ZNF841: variants seen among roughly 807,000 people sequenced by gnomAD.
The protein encoded by ZNF841 is TCONS_00006091.
In ZNF841, 11 loss-of-function variants were observed where a neutral mutation model predicts 13.0. The ratio of observed to expected loss-of-function variants is 0.85; its 90% CI spans 0.53 to 1.40. The LOEUF is 1.40. Ranked by LOEUF, ZNF841 falls within the 40% of genes most tolerant of loss-of-function variation. The pLI, the probability that ZNF841 is intolerant of heterozygous loss-of-function variation, is 0.00. For synonymous variants in ZNF841, 369 were observed against 381.6 expected (o/e 0.97, Z 0.38); for missense variants, 1,068 against 1,139.5 (o/e 0.94, Z 0.90).
At position 52,076,966 on chromosome 19, in the gene ZNF841, C is replaced by T. The variant is rs1366171997; in HGVS notation, c.134G>A (p.Gly45Asp). The change falls in exon 5 of 7, where the codon GGC becomes GAC. Residue 45 changes from glycine (G) to aspartate (D), a missense_variant. Gly to Asp is a moderately conservative substitution (Grantham distance 94). Coordinates refer to ENST00000594440, the MANE Select transcript of ZNF841 (RefSeq NM_001136499.2). Reference protein sequence around the residue: ...DVMLENYRNLGFLGLCLPDLN... With the variant: ...DVMLENYRNLDFLGLCLPDLN... ...AGGAAAACTATCCTCACCCAGGAAG[C>T]CGAGGTTCCTGTAGTTCTCCAACAT... 2 of 1,612,616 alleles carry T rather than the reference C, an allele frequency of 1.2e-6. No individual in the cohort carries two copies. The highest frequency in any genetic ancestry group is 1.7e-6 in the Non-Finnish European group (2 of 1,179,166).
At chr19:52,089,672 G>GCACCCT (rs144099437) in intron 2 of ZNF841, among the ~76,000 whole-genome samples, 31,933 of 151,824 alleles carry the variant, frequency 0.21, 4,660 homozygotes, top group African/African-American at 0.41. Flanking sequence ...AATGATCCAT[G>GCACCCT]CACAACCACT....
chr19:52,076,925 A>G (rs762888190), intron 5 of ZNF841, 33 bp downstream of exon 5: 10 of 1,607,312 alleles, frequency 6.2e-6, no homozygotes, highest in Non-Finnish European at 8.5e-6. Context: ...GCACAAGGGA[A>G]GATCCTAACT....
chr19:52,091,233 G>T (rs74723134), intron 2 of ZNF841, among the ~76,000 whole-genome samples: 1 of 152,102 alleles, frequency 6.6e-6, no homozygotes, highest in East Asian at 1.9e-4. Context: ...TTCATAGATT[G>T]TAAGAATATT....
At chr19:52,058,824 C>T in the ZNF841 span, 3 of 152,628 alleles carry the variant, frequency 2.0e-5, no homozygotes, top group East Asian at 5.8e-4. Flanking sequence ...TATAGCAAAA[C>T]TTCATTTCTA....
At chr19:52,090,630 A>AGAAAGAAGGAAG (rs1555782680) in intron 2 of ZNF841, among the ~76,000 whole-genome samples, 906 of 90,444 alleles carry the variant, frequency 0.01, 54 homozygotes, top group East Asian at 0.05. Flanking sequence ...AAAGAAAGAA[A>AGAAAGAAGGAAG]GAAGGAAGGA....
In ZNF841 at chr19:52,067,007, T is replaced by C. The variant is rs1240992580; in HGVS notation, c.875A>G (p.Asn292Ser). The change falls in exon 7 of 7, where the codon AAT (asparagine) becomes AGT (serine). Residue 292 changes from asparagine to serine, a missense_variant. Asn to Ser is a conservative substitution (Grantham distance 46). Transcript: ENST00000594440. ...IHTTEKPYRCNESGKAFHRGS... is the reference protein window; with the variant it reads ...IHTTEKPYRCSESGKAFHRGS... ...CCGATGAAAGGCTTTACCAGACTCA[T>C]TGCATCTGTAAGGTTTCTCTGTAGT... 6.2e-7 allele frequency: 1 copy of C among 1,614,114 alleles called. No individual in the cohort carries two copies. Among genetic ancestry groups the C allele is most frequent in the Middle Eastern group, 1.6e-4 (1 of 6,062 alleles).
Position 52,067,183 on chromosome 19 carries a change from GTTGGT to G in ZNF841, c.694_698del (p.Thr232HisfsTer3), listed in dbSNP as rs1453540282. ...AATCATTCCCATATTTCCTAGAAAT[GTTGGT>G]TTGGACACCAGGAAAAATTCTTTGA... On this transcript the variant is annotated frameshift_variant, in exon 7 of 7. Transcript: ENST00000594440. LOFTEE classifies it low-confidence loss of function (END_TRUNC). 6.4e-7 allele frequency: 1 copy of G among 1,551,888 alleles called. No homozygotes were observed. The highest frequency in any genetic ancestry group is 2.0e-5 in the Admixed American group (1 of 50,956).
chr19:52,063,203 A>G (rs1394395636), downstream of ZNF841, among the ~76,000 whole-genome samples: 4 of 151,896 alleles, frequency 2.6e-5, no homozygotes, highest in African/African-American at 9.7e-5. Context: ...TTACCACGTT[A>G]ATTACATTTG....
chr19:52,067,417 C>A lies in ZNF841; in HGVS notation c.465G>T (p.Gly155=), dbSNP rs1268624868. ...TAAGATTGTTTTTATGGGTCATCGG[C>A]CCTTCTTTATAATTTATTTCACCAT... is the stretch of plus-strand genomic sequence containing the variant. The part of the protein sequence containing the change: ...WKDGEINYKE[G]PMTHKNNLTG... Residue 155 remains glycine, a synonymous_variant, in exon 7 of 7, where the codon GGG becomes GGT. Coordinates refer to ENST00000594440, the MANE Select transcript of ZNF841 (RefSeq NM_001136499.2). 3.2e-6 allele frequency: 5 copies of A among 1,548,300 alleles called. No homozygotes were observed. The highest frequency in any genetic ancestry group is 4.4e-6 in the Non-Finnish European group (5 of 1,146,086).
intron 6 of ZNF841, among the ~76,000 whole-genome samples, chr19:52,072,840 C>T (rs1251833629): frequency 6.6e-6 from 1 of 151,994 alleles, no homozygotes; most frequent in South Asian, 2.1e-4. Flanking sequence ...AACAAACAAA[C>T]AAGGACCATA....
Position 52,066,880 on chromosome 19 carries a change from A to T in ZNF841, c.1002T>A (p.Asn334Lys). The T allele has an allele frequency of 6.2e-7, 1 of 1,614,106 alleles. No homozygotes were observed. Among genetic ancestry groups the T allele is most frequent in the South Asian group, 1.1e-5 (1 of 91,080 alleles). Reference sequence around the variant, plus strand: ...TGTCTCCAGTGTGACTTCTCCGGTGATTTACAAGATCTGAATTTTGTCTGA... The same window carrying T: ...TGTCTCCAGTGTGACTTCTCCGGTGTTTTACAAGATCTGAATTTTGTCTGA... ...RIFRQNSDLV[N>K]HRRSHTGDKP... The change falls in exon 7 of 7, where the codon AAT becomes AAA. Residue 334 changes from asparagine to lysine, a missense_variant. By Grantham distance (94) the Asn-to-Lys change is moderately conservative. Transcript: ENST00000594440.
rs1354223713 is a variant in ZNF841 at position 52,067,463 on chromosome 19, T to G, written c.419A>C (p.Glu140Ala). The change falls in exon 7 of 7, where the codon GAA becomes GCA. Residue 140 changes from glutamate to alanine, a missense_variant. Glu to Ala is a moderately radical substitution (Grantham distance 107). Coordinates refer to ENST00000594440, the MANE Select transcript of ZNF841 (RefSeq NM_001136499.2). ...ACCATCTTTCCATTGAAAGTCAACT[T>G]CCTGTAGATTTTTCCGGATTTCCCT... is the stretch of plus-strand genomic sequence containing the variant. Reference protein sequence around the residue: ...YFREIRKNLQEVDFQWKDGEI... With the variant: ...YFREIRKNLQAVDFQWKDGEI... The G allele has an allele frequency of 6.4e-7, 1 of 1,555,756 alleles. No homozygotes were observed.
Position 52,066,942 on chromosome 19 carries a change from C to T in ZNF841, c.940G>A (p.Gly314Arg). 6.2e-7 allele frequency: 1 copy of T among 1,614,108 alleles called. No individual in the cohort carries two copies. ...LTVHQIVHTR[G>R]KPYQCDVCGR... ...CATACATCACATTGGTATGGTTTCC[C>T]TCTTGTATGGACTATCTGATGTACT... The change falls in exon 7 of 7, where the codon GGG (glycine) becomes AGG (arginine). Residue 314 changes from glycine (G) to arginine (R), a missense_variant. Transcript: ENST00000594440.
intron 6 of ZNF841, among the ~76,000 whole-genome samples, chr19:52,069,465 G>A (rs2087681620): frequency 6.6e-6 from 1 of 152,150 alleles, no homozygotes; most frequent in Non-Finnish European, 1.5e-5. Flanking sequence ...TGAGATAAAA[G>A]ACAACACCGT....
rs2087622819 is a variant in ZNF841, at chr19:52,067,579, T to C, written c.303A>G (p.Leu101=). The C allele has an allele frequency of 6.4e-7, 1 of 1,551,846 alleles. No homozygotes were observed. Among genetic ancestry groups the C allele is most frequent in the African/African-American group, 1.4e-5 (1 of 72,368 alleles). Residue 101 remains leucine (L), a synonymous_variant, in exon 7 of 7, where the codon TTA becomes TTG. Coordinates refer to ENST00000594440, the MANE Select transcript of ZNF841 (RefSeq NM_001136499.2). The stretch of plus-strand genomic sequence containing the variant: ...CTGTGTTACTGTTCTGTATTGGTGG[T>C]AATTCCTTGATCACACATTTAGGAG... ...GISPKCVIKE[L]PPIQNSNTGE...
chr19:52,067,149 G>T lies in ZNF841; in HGVS notation c.733C>A (p.Leu245Ile). Reference sequence around the variant, plus strand: ...TTCTCGTCTTGTGTAGGTAACGAAAGTTGCAAAAAATCATTCCCATATTTC... The same window carrying T: ...TTCTCGTCTTGTGTAGGTAACGAAATTTGCAAAAAATCATTCCCATATTTC... ...SRKYGNDFLQLSLPTQDEKTH... is the reference protein window; with the variant it reads ...SRKYGNDFLQISLPTQDEKTH... Residue 245 changes from leucine (L) to isoleucine (I), a missense_variant, in exon 7 of 7, where the codon CTT becomes ATT. By Grantham distance (5) the Leu-to-Ile change is conservative. Transcript: ENST00000594440. The T allele has an allele frequency of 6.4e-7, 1 of 1,555,416 alleles. No homozygotes were observed. The highest frequency in any genetic ancestry group is 8.7e-7 in the Non-Finnish European group (1 of 1,148,604).
At chr19:52,064,259 T>TGGC (rs2087457334), downstream of ZNF841, among the ~76,000 whole-genome samples, 1 of 144,478 alleles carries the variant, frequency 6.9e-6, no homozygotes, top group Non-Finnish European at 1.5e-5. Context: ...GGCAGGAGAA[T>TGGC]GGCGTGAACC....
chr19:52,092,650 A>C (rs1162776132), intron 2 of ZNF841, among the ~76,000 whole-genome samples: 1 of 152,232 alleles, frequency 6.6e-6, no homozygotes, highest in East Asian at 1.9e-4. Flanking sequence ...GTATATATCC[A>C]AAGGAAATAA....
downstream of ZNF841, among the ~76,000 whole-genome samples, chr19:52,059,566 C>T (rs2087364047): frequency 6.6e-6 from 1 of 151,716 alleles, no homozygotes; most frequent in Non-Finnish European, 1.5e-5. Context: ...AGTATATCAA[C>T]AGGATTTTTA....
Sources: allele counts gnomAD v4.1 joint callset (sites outside exome capture counted in the v4.1 genomes callset), GRCh38; gene constraint gnomAD v4.1.1; transcripts MANE v1.5; gene names NCBI Gene and HGNC (gene_info 2026-07-23, HGNC 2026-07-21).